The following SUPT3H variants were observed in gnomAD, a reference collection of about 807,000 sequenced individuals.
The protein encoded by SUPT3H is transcription initiation protein SPT3 homolog.
SUPT3H carries 44 observed loss-of-function variants against 44.3 expected under a neutral mutation model. That is an observed-to-expected ratio of 0.99 (90% confidence interval 0.78 to 1.28). The LOEUF (loss-of-function observed/expected upper bound fraction) is 1.28, where lower values mean the gene tolerates loss of function less well. SUPT3H is among the 50% of genes most tolerant of loss of function. The pLI is 0.00. For synonymous variants in SUPT3H, 124 were observed against 125.6 expected, an observed-to-expected ratio of 0.99 and a Z score of 0.09; for missense variants, 380 against 387.1, an observed-to-expected ratio of 0.98 and a Z score of 0.15.
At position 45,240,579 on chromosome 6, in the gene SUPT3H, T is replaced by C. The variant is rs73735324; in HGVS notation, c.101+124622A>G. 7.5e-3 allele frequency among the ~76,000 whole-genome samples: 1,147 copies of C among 152,356 alleles called. 18 individuals are homozygous for C. Among genetic ancestry groups the C allele is most frequent in the African/African-American group, 0.025 (1,046 of 41,580 alleles). ...TAATGAACTTACTTGTTTGGGAAGA[T>C]TGCATTACAGAACAGGCAGAGGTGC... On this transcript the variant is annotated intron_variant, in intron 2 of 10. Coordinates refer to ENST00000371459, the MANE Select transcript of SUPT3H (RefSeq NM_003599.4).
At chr6:45,138,030 A>G (rs1296545481) in intron 2 of SUPT3H, among the ~76,000 whole-genome samples, 2 of 152,138 alleles carry the variant, frequency 1.3e-5, no homozygotes, top group Admixed American at 6.5e-5. Flanking sequence ...AGATAACCCA[A>G]TTTTTAAATT....
chr6:44,936,617 A>C (rs1771464993), intron 9 of SUPT3H, among the ~76,000 whole-genome samples: 1 of 152,196 alleles, frequency 6.6e-6, no homozygotes, highest in South Asian at 2.1e-4. Context: ...GAGCTGTTTC[A>C]CATAAGATGA....
intron 2 of SUPT3H, among the ~76,000 whole-genome samples, chr6:45,265,555 T>G (rs760529184): frequency 6.6e-6 from 1 of 152,062 alleles, no homozygotes; most frequent in Non-Finnish European, 1.5e-5. Context: ...AGACTGCACA[T>G]TGAGCAACAC....
At chr6:44,916,260 T>C (rs1170711382) in intron 10 of SUPT3H, among the ~76,000 whole-genome samples, 4 of 152,172 alleles carry the variant, frequency 2.6e-5, no homozygotes, top group African/African-American at 9.7e-5. Flanking sequence ...ACTGCATCTT[T>C]CATTTTTTTC....
At chr6:44,823,565 T>C (rs1767511976), downstream of SUPT3H, among the ~76,000 whole-genome samples, 1 of 152,182 alleles carries the variant, frequency 6.6e-6, no homozygotes, top group Non-Finnish European at 1.5e-5. Flanking sequence ...CAGCCACTCT[T>C]GAGAGGAGCT....
intron 10 of SUPT3H, among the ~76,000 whole-genome samples, chr6:44,888,306 C>A (rs1486260720): frequency 6.6e-6 from 1 of 151,812 alleles, no homozygotes; most frequent in Non-Finnish European, 1.5e-5. Context: ...GGCAGAGACA[C>A]AACAAAAAAA....
At chr6:44,838,106 T>C (rs917299574) in intron 10 of SUPT3H, among the ~76,000 whole-genome samples, 3 of 152,174 alleles carry the variant, frequency 2.0e-5, no homozygotes, top group African/African-American at 7.2e-5. Flanking sequence ...AAATAAAAAA[T>C]TATGACAAAA....
chr6:44,824,694 C>T (rs1767608666), downstream of SUPT3H, among the ~76,000 whole-genome samples: 1 of 152,112 alleles, frequency 6.6e-6, no homozygotes, highest in South Asian at 2.1e-4. Flanking sequence ...CACTTGAGTC[C>T]AAGAGTTTGA....
At chr6:44,983,752 C>T (rs531914474) in intron 6 of SUPT3H, among the ~76,000 whole-genome samples, 5 of 152,094 alleles carry the variant, frequency 3.3e-5, no homozygotes, top group African/African-American at 9.6e-5. Context: ...TTCAAAGAAC[C>T]GTTTTTATTG....
rs149662899 is a variant in SUPT3H at position 45,162,633 on chromosome 6, A to G, written c.102-56627T>C. Among the ~76,000 whole-genome samples, 5 of 152,312 alleles carry G rather than the reference A, an allele frequency of 3.3e-5. 1 individual carries two copies. In the East Asian group the frequency reaches 9.6e-4, roughly 29 times the overall value. On this transcript the variant is annotated intron_variant, in intron 2 of 10. Transcript: ENST00000371459. ...TGCTAACAGCTGAGGATATAAAGGT[A>G]AGAGGCGGTACCTAACCTTAAAGTG...
chr6:44,970,539 G>A (rs1219952232), intron 6 of SUPT3H, among the ~76,000 whole-genome samples: 2 of 150,428 alleles, frequency 1.3e-5, no homozygotes, highest in Non-Finnish European at 3.0e-5. Context: ...CACTGACTTT[G>A]ACTTTTTGTT....
intron 10 of SUPT3H, among the ~76,000 whole-genome samples, chr6:44,862,868 C>T (rs941066639): frequency 6.6e-6 from 1 of 151,978 alleles, no homozygotes; most frequent in African/African-American, 2.4e-5. Flanking sequence ...CACCTTGAAC[C>T]TGATCAAACA....
chr6:45,021,760 C>A (rs188771574), intron 3 of SUPT3H, among the ~76,000 whole-genome samples: 122 of 151,990 alleles, frequency 8.0e-4, no homozygotes, highest in African/African-American at 2.7e-3. Flanking sequence ...ATCCTTTTTG[C>A]TAAGTAAGCT....
At chr6:45,206,094 T>G (rs1763186089) in intron 2 of SUPT3H, among the ~76,000 whole-genome samples, 1 of 152,206 alleles carries the variant, frequency 6.6e-6, no homozygotes, top group Admixed American at 6.5e-5. Flanking sequence ...ACTCATTCAT[T>G]TAACCAGCAT....
At chr6:44,901,515 G>A (rs1381229433) in intron 10 of SUPT3H, among the ~76,000 whole-genome samples, 4 of 151,882 alleles carry the variant, frequency 2.6e-5, no homozygotes, top group Non-Finnish European at 5.9e-5. Context: ...AAGAAATATG[G>A]GACTATGTGA....
At chr6:44,938,638 C>A (rs1360024045) in intron 9 of SUPT3H, among the ~76,000 whole-genome samples, 1 of 151,992 alleles carries the variant, frequency 6.6e-6, no homozygotes, top group Non-Finnish European at 1.5e-5. Flanking sequence ...ATAGAGATTG[C>A]ACTGGATCTG....
intron 3 of SUPT3H, among the ~76,000 whole-genome samples, chr6:45,035,540 T>C (rs1022719929): frequency 3.9e-5 from 6 of 152,176 alleles, no homozygotes; most frequent in Non-Finnish European, 7.4e-5. Context: ...CTCAACTGGA[T>C]GCCAATGCCA....
At chr6:45,228,689 C>T (rs986380029) in intron 2 of SUPT3H, among the ~76,000 whole-genome samples, 2 of 151,922 alleles carry the variant, frequency 1.3e-5, no homozygotes, top group Non-Finnish European at 2.9e-5. Flanking sequence ...CACTTTGTGG[C>T]TCAGGCTGCA....
chr6:45,116,979 T>C (rs1160152669), intron 2 of SUPT3H, among the ~76,000 whole-genome samples: 2 of 152,156 alleles, frequency 1.3e-5, no homozygotes, highest in East Asian at 3.8e-4. Flanking sequence ...CTATTTCTTA[T>C]CATTTTGGTC....
Sources: allele counts gnomAD v4.1 joint callset (sites outside exome capture counted in the v4.1 genomes callset), GRCh38; gene constraint gnomAD v4.1.1; transcripts MANE v1.5; gene names NCBI Gene and HGNC (gene_info 2026-07-23, HGNC 2026-07-21).